The following MAP7 variants were observed in gnomAD, a reference collection of about 807,000 sequenced individuals.
MAP7 encodes the protein microtubule associated protein 7.
Under a neutral mutation model 94.8 loss-of-function variants are expected in MAP7, and 52 were observed. The observed-to-expected ratio is 0.55, with a 90% CI of 0.44 to 0.69. The LOEUF is 0.69. MAP7 is among the 30% of genes least tolerant of loss of function. MAP7 has a pLI of 0.00. For synonymous variants in MAP7, 350 were observed against 357.0 expected, an observed-to-expected ratio of 0.98 and a Z score of 0.22; for missense variants, 940 against 964.6, an observed-to-expected ratio of 0.97 and a Z score of 0.34.
At chr6:136,384,610 A>G (rs1371618080) in intron 5 of MAP7, among the ~76,000 whole-genome samples, 3 of 152,084 alleles carry the variant, frequency 2.0e-5, no homozygotes, top group Non-Finnish European at 4.4e-5. Flanking sequence ...CAGCCTCCCA[A>G]GTAGCTAAGA....
At chr6:136,515,919 T>TA (rs1003611898) in intron 1 of MAP7, among the ~76,000 whole-genome samples, 18 of 151,936 alleles carry the variant, frequency 1.2e-4, no homozygotes, top group Admixed American at 4.6e-4. Context: ...CTTCAATTTG[T>TA]AAAAAAAATG....
intron 12 of MAP7, 39 bp downstream of exon 12, chr6:136,360,966 C>CGGGACT (rs774355900): frequency 7.1e-6 from 11 of 1,551,156 alleles, no homozygotes; most frequent in Non-Finnish European, 9.5e-6. Context: ...CGTCTCCCTG[C>CGGGACT]GGGACTGGGG....
At chr6:136,420,683 TA>T (rs1358820500) in intron 2 of MAP7, among the ~76,000 whole-genome samples, 1 of 152,182 alleles carries the variant, frequency 6.6e-6, no homozygotes, top group African/African-American at 2.4e-5. Context: ...GCTTGGTAAT[TA>T]AAACTCCTCT....
chr6:136,359,319 T>A (rs998365320), intron 15 of MAP7, among the ~76,000 whole-genome samples: 5 of 152,156 alleles, frequency 3.3e-5, no homozygotes, highest in African/African-American at 1.2e-4. Flanking sequence ...TTTCAACAAA[T>A]TTTTAACTTT....
At chr6:136,475,412 T>C (rs1810541640) in intron 1 of MAP7, among the ~76,000 whole-genome samples, 1 of 152,186 alleles carries the variant, frequency 6.6e-6, no homozygotes, top group Non-Finnish European at 1.5e-5. Flanking sequence ...GAGAATATAT[T>C]ATCATTTTAA....
At chr6:136,379,943 C>T (rs748436251) in intron 6 of MAP7, among the ~76,000 whole-genome samples, 7 of 152,110 alleles carry the variant, frequency 4.6e-5, no homozygotes, top group Admixed American at 2.0e-4. Flanking sequence ...GGAGACAGAG[C>T]GTCCGTAAGA....
intron 1 of MAP7, among the ~76,000 whole-genome samples, chr6:136,452,400 T>A (rs570080504): frequency 1.3e-5 from 2 of 152,214 alleles, no homozygotes; most frequent in East Asian, 3.9e-4. Context: ...ATTTTGAAAG[T>A]TGTACTGTAG....
At chr6:136,410,514 C>A (rs1225268733) in intron 3 of MAP7, among the ~76,000 whole-genome samples, 2 of 152,176 alleles carry the variant, frequency 1.3e-5, no homozygotes, top group African/African-American at 4.8e-5. Flanking sequence ...CTGCAGGGAA[C>A]CCATCAGGCC....
intron 2 of MAP7, among the ~76,000 whole-genome samples, chr6:136,421,317 T>C (rs1056979789): frequency 1.3e-5 from 2 of 152,228 alleles, no homozygotes; most frequent in Admixed American, 1.3e-4. Flanking sequence ...TTGTTGGACA[T>C]ACAGGTATAA....
intron 1 of MAP7, among the ~76,000 whole-genome samples, chr6:136,487,061 A>T (rs1183899209): frequency 6.6e-6 from 1 of 152,202 alleles, no homozygotes; most frequent in Non-Finnish European, 1.5e-5. Context: ...CCACCTATGG[A>T]AGGGGCAGGA....
intron 1 of MAP7, among the ~76,000 whole-genome samples, chr6:136,465,600 T>C (rs923807310): frequency 1.3e-5 from 2 of 152,176 alleles, no homozygotes; most frequent in African/African-American, 4.8e-5. Context: ...CCCTGAACAT[T>C]TGAGATTATT....
intron 1 of MAP7, among the ~76,000 whole-genome samples, chr6:136,472,535 C>CT (rs985796406): frequency 1.5e-4 from 23 of 152,176 alleles, no homozygotes; most frequent in African/African-American, 5.3e-4. Context: ...TTGATGTTTC[C>CT]TTTTTGGTAT....
rs1374786321 is a variant in MAP7, at chr6:136,419,856, G to A, written c.166+1845C>T. ...GTAAGGGCTTTTTACTTCAGTTTTT[G>A]TCACATATTAAAGCTGTGTGTCAAG... is the stretch of plus-strand genomic sequence containing the variant. On this transcript the variant is annotated intron_variant, in intron 2 of 17. Transcript: ENST00000354570. 13 of 407,174 alleles carry A rather than the reference G, an allele frequency of 3.2e-5. No homozygotes were observed. The South Asian group carries it at 3.5e-4, about 11-fold the overall frequency. The allele number at this position is 407,174 out of a possible 1,614,324, so 25.2% of individuals were successfully genotyped here.
At chr6:136,366,241 A>T in intron 9 of MAP7, 86 bp downstream of exon 9, 1 of 1,195,866 alleles carries the variant, frequency 8.4e-7, no homozygotes, top group Non-Finnish European at 1.2e-6. Context: ...GCCAAACAGC[A>T]TGAGAAGAAC....
intron 1 of MAP7, among the ~76,000 whole-genome samples, chr6:136,498,749 A>ATGTGTG (rs10634782): frequency 2.0e-5 from 3 of 148,952 alleles, no homozygotes; most frequent in African/African-American, 4.9e-5. Context: ...CTATATGGCA[A>ATGTGTG]TGTGTGTGTG....
chr6:136,383,809 G>A, intron 5 of MAP7, 28 bp from the exon 6 acceptor site: 1 of 1,349,478 alleles, frequency 7.4e-7, no homozygotes, highest in Non-Finnish European at 1.1e-6. Flanking sequence ...AATGCTAATT[G>A]ACAGCCAACA....
Position 136,385,561 on chromosome 6 carries a change from G to C in MAP7, c.527-1780C>G, listed in dbSNP as rs72977511. On this transcript the variant is annotated intron_variant, in intron 5 of 17. Transcript: ENST00000354570. ...CAGGTTATTAAAAACATTTAATTCTGCTTCAGAGTAAGTGGAAAAAATGAG... is the reference window on the plus strand; with the variant it reads ...CAGGTTATTAAAAACATTTAATTCTCCTTCAGAGTAAGTGGAAAAAATGAG... Among the ~76,000 whole-genome samples, 1,366 of 152,294 alleles carry C rather than the reference G, an allele frequency of 9.0e-3. 6 individuals carry two copies. Among genetic ancestry groups the C allele is most frequent in the Non-Finnish European group, 0.014 (982 of 68,022 alleles).
chr6:136,511,842 G>A (rs773052699), intron 1 of MAP7, among the ~76,000 whole-genome samples: 14 of 152,114 alleles, frequency 9.2e-5, no homozygotes, highest in Non-Finnish European at 1.8e-4. Flanking sequence ...ATTCAAACAC[G>A]GCTGTAATGA....
chr6:136,408,791 T>A (rs1562366155), intron 3 of MAP7, among the ~76,000 whole-genome samples: 1 of 152,124 alleles, frequency 6.6e-6, no homozygotes, highest in South Asian at 2.1e-4. Flanking sequence ...TTAAAAAAAA[T>A]TTCCACTGCT....
Sources: gnomAD v4.1 joint callset for allele counts (sites outside exome capture counted in the v4.1 genomes callset) on GRCh38, gnomAD v4.1.1 for gene constraint, MANE v1.5 for transcripts, NCBI Gene and HGNC (gene_info 2026-07-23, HGNC 2026-07-21) for gene names.